Variants in NME4 observed in about 807,000 individuals in gnomAD.
NME4 encodes nucleoside diphosphate kinase D, mitochondrial.
A neutral mutation model predicts 16.4 loss-of-function variants in NME4; 21 were observed. The observed-to-expected ratio is 1.28, with a 90% confidence interval of 0.91 to 1.84. The LOEUF (loss-of-function observed/expected upper bound fraction) is 1.84, where lower values mean the gene tolerates loss of function less well. Ranked by LOEUF, NME4 falls within the 40% of genes most tolerant of loss-of-function variation. NME4 has a pLI of 0.00. For synonymous variants in NME4, 132 were observed against 107.5 expected (o/e 1.23, Z -1.41); for missense variants, 316 against 261.3 (o/e 1.21, Z -1.44).
intron 1 of NME4, 134 bp downstream of exon 1, chr16:397,447 T>A: frequency 4.1e-6 from 1 of 243,702 alleles, no homozygotes; most frequent in Non-Finnish European, 6.6e-6. Context: ...GCGGGGTCCG[T>A]CCGAGTTGGG....
intron 1 of NME4, 86 bp downstream of exon 1, chr16:397,399 T>A: frequency 2.0e-6 from 1 of 490,504 alleles, no homozygotes; most frequent in Non-Finnish European, 2.7e-6. Flanking sequence ...ACGTGCGGGC[T>A]GGGGTCCGAC....
At position 399,143 on chromosome 16, in the gene NME4, G is replaced by C. The variant is rs374234687; in HGVS notation, c.225+20G>C. The C allele has an allele frequency of 1.9e-6, 3 of 1,597,012 alleles. No homozygotes were observed. Among genetic ancestry groups the C allele is most frequent in the Non-Finnish European group, 2.6e-6 (3 of 1,174,056 alleles). ...CTGCAGGTAGTGGGACTCTGGGCTT[G>C]TGGGTGTCCCTGTGGGGATGGGGTT... On this transcript the variant is annotated intron_variant, in intron 2 of 4. Transcript: ENST00000219479.
intron 1 of NME4, chr16:398,577 C>G: frequency 2.3e-6 from 1 of 434,146 alleles, no homozygotes; most frequent in Non-Finnish European, 4.0e-6. Flanking sequence ...CTGAGCTGGG[C>G]TGTGCCTCTG....
At chr16:398,912 G>C in intron 1 of NME4, 78 bp from the exon 2 acceptor site, 1 of 1,583,040 alleles carries the variant, frequency 6.3e-7, no homozygotes, top group Non-Finnish European at 8.6e-7. Context: ...GTGACCCCTG[G>C]GCTCTGGCTG....
rs2054634845 is a variant in NME4, at chr16:400,264, G to C, written c.486G>C (p.Glu162Asp). The C allele has an allele frequency of 2.5e-6, 4 of 1,604,706 alleles. No homozygotes were observed. Among genetic ancestry groups the C allele is most frequent in the Non-Finnish European group, 2.6e-6 (3 of 1,174,014 alleles). Residue 162 changes from glutamate (E) to aspartate (D), a missense_variant, in exon 5 of 5, where the codon GAG becomes GAC. Transcript: ENST00000219479. Reference sequence around the variant, plus strand: ...ACTCCGTGGAGGGGGCCCAGCGGGAGATCCAGCTGTGGTTCCAGAGCAGTG... The same window carrying C: ...ACTCCGTGGAGGGGGCCCAGCGGGACATCCAGCTGTGGTTCCAGAGCAGTG... Reference protein sequence around the residue: ...ASDSVEGAQREIQLWFQSSEL... With the variant: ...ASDSVEGAQRDIQLWFQSSEL...
intron 4 of NME4, 114 bp downstream of exon 4, chr16:399,853 C>G: frequency 2.4e-6 from 2 of 836,098 alleles, no homozygotes; most frequent in South Asian, 1.5e-5. Context: ...GAAGCCAGGT[C>G]GGACATGACA....
At chr16:398,324 C>A in intron 1 of NME4, 1 of 1,318,396 alleles carries the variant, frequency 7.6e-7, no homozygotes, top group Non-Finnish European at 1.0e-6. Flanking sequence ...CGGACAGAAC[C>A]CTGCTACCTT....
chr16:400,347 C>T lies in NME4; in HGVS notation c.*5C>T. 1 of 1,598,798 alleles carries T rather than the reference C, an allele frequency of 6.3e-7. No individual in the cohort carries two copies. Among genetic ancestry groups the T allele is most frequent in the Non-Finnish European group, 8.5e-7 (1 of 1,177,778 alleles). ...AGCAGCATCCACCCAGCCTGAGGCTCAAGCTGCCCTTACCACCCCATCCCC... is the reference window on the plus strand; with the variant it reads ...AGCAGCATCCACCCAGCCTGAGGCTTAAGCTGCCCTTACCACCCCATCCCC... On this transcript the variant is annotated 3_prime_UTR_variant, in exon 5 of 5. Transcript: ENST00000219479.
In NME4 at chr16:397,229, G is replaced by A. The variant is rs964685790; in HGVS notation, c.7G>A (p.Gly3Ser). 3.9e-6 allele frequency: 4 copies of A among 1,028,784 alleles called. 1 individual carries two copies. Among genetic ancestry groups the A allele is most frequent in the Non-Finnish European group, 4.7e-6 (4 of 860,134 alleles). 63.7% of individuals were successfully genotyped at this position (1,028,784 alleles called of 1,614,324 possible). ...GGCCCGCGGGCCGGGCGTCATGGGC[G>A]GCCTCTTCTGGCGCTCCGCGCTGCG... is the stretch of plus-strand genomic sequence containing the variant. The part of the protein sequence containing the change: MG[G>S]LFWRSALRGL... Residue 3 changes from glycine (G) to serine (S), a missense_variant, in exon 1 of 5, where the codon GGC (glycine) becomes AGC (serine). Coordinates refer to ENST00000219479, the MANE Select transcript of NME4 (RefSeq NM_005009.3).
At chr16:399,575 C>A in intron 3 of NME4, 52 bp from the exon 4 acceptor site, 2 of 1,597,886 alleles carry the variant, frequency 1.3e-6, no homozygotes, top group Non-Finnish European at 8.6e-7. Context: ...GGATTGAGCC[C>A]AGGGGCCCTT....
At chr16:399,277 G>C in intron 2 of NME4, 102 bp from the exon 3 acceptor site, 1 of 1,410,392 alleles carries the variant, frequency 7.1e-7, no homozygotes, top group Non-Finnish European at 1.0e-6. Context: ...TGCTGCCCAT[G>C]CTGGTGTTAT....
At chr16:397,513 C>T (rs2054567582) in intron 1 of NME4, among the ~76,000 whole-genome samples, 200 bp downstream of exon 1, 1 of 135,704 alleles carries the variant, frequency 7.4e-6, no homozygotes, top group African/African-American at 2.7e-5. Context: ...CTCTGCGGCT[C>T]CTTCTCGCCT....
At chr16:398,906 C>G (rs1340255420) in intron 1 of NME4, 84 bp from the exon 2 acceptor site, 1 of 1,571,828 alleles carries the variant, frequency 6.4e-7, no homozygotes, top group Non-Finnish European at 8.6e-7. Context: ...AGCCTGGTGA[C>G]CCCTGGGCTC....
chr16:400,441 C>G lies in NME4; in HGVS notation c.*99C>G. ...ATCCAAACCTGCCTGTCCCAAACCA[C>G]TTACTTCCCTGTTCACCTCTGCCCC... On this transcript the variant is annotated 3_prime_UTR_variant, in exon 5 of 5. Transcript: ENST00000219479. 2 of 1,460,426 alleles carry G rather than the reference C, an allele frequency of 1.4e-6. No homozygotes were observed. The highest frequency in any genetic ancestry group is 2.5e-4 in the Middle Eastern group (1 of 4,030). 90.5% of individuals were successfully genotyped at this position (1,460,426 alleles called of 1,614,324 possible).
chr16:399,902 A>G (rs2054622465), intron 4 of NME4, among the ~76,000 whole-genome samples, 163 bp downstream of exon 4: 1 of 152,150 alleles, frequency 6.6e-6, no homozygotes, highest in African/African-American at 2.4e-5. Flanking sequence ...CAGGGCACAC[A>G]GGGCAATGAG....
In NME4 at chr16:400,583, G is replaced by T; in HGVS notation, c.*241G>T. ...GTGCCGGACAACCTTTGTGGTGGGG[G>T]GGGGTCTTCACATTATCATAACCTC... On this transcript the variant is annotated 3_prime_UTR_variant, in exon 5 of 5. Transcript: ENST00000219479. 1 of 487,976 alleles carries T rather than the reference G, an allele frequency of 2.0e-6. No homozygotes were observed. Among genetic ancestry groups the T allele is most frequent in the Non-Finnish European group, 3.6e-6 (1 of 277,724 alleles). 30.2% of individuals were successfully genotyped at this position (487,976 alleles called of 1,614,324 possible). A position where few individuals can be genotyped will look rare whatever the true frequency, so the allele number is the denominator to read the frequency against.
At position 399,310 on chromosome 16, in the gene NME4, G is replaced by A. The variant is rs143749529; in HGVS notation, c.226-69G>A. The stretch of plus-strand genomic sequence containing the variant: ...TATCTGCAAGGTGCCTGAGGTCAGG[G>A]CATCACAGCTGCTGTGCTAGTGCCC... On this transcript the variant is annotated intron_variant, in intron 2 of 4. Coordinates refer to ENST00000219479, the MANE Select transcript of NME4 (RefSeq NM_005009.3). The A allele has an allele frequency of 1.2e-4, 180 of 1,495,730 alleles. 2 individuals are homozygous for A. In the East Asian group the frequency reaches 3.8e-3, roughly 31 times the overall value. The allele number at this position is 1,495,730 out of a possible 1,614,324, so 92.7% of individuals were successfully genotyped here.
intron 4 of NME4, chr16:400,016 T>TG (rs1245260332): frequency 1.3e-6 from 1 of 783,368 alleles, no homozygotes; most frequent in Non-Finnish European, 2.1e-6. Context: ...TCCCAAAAGC[T>TG]GGGGCCTGGG....
At chr16:397,801 A>G (rs2054578333) in intron 1 of NME4, 3 of 1,392,600 alleles carry the variant, frequency 2.2e-6, no homozygotes, top group Non-Finnish European at 2.8e-6. Context: ...TCTGACTGGG[A>G]CGTCAGGCCC....
Sources: allele counts gnomAD v4.1 joint callset (sites outside exome capture counted in the v4.1 genomes callset), GRCh38; gene constraint gnomAD v4.1.1; transcripts MANE v1.5; gene names NCBI Gene and HGNC (gene_info 2026-07-23, HGNC 2026-07-21).